TMEM117: variants seen among roughly 807,000 people sequenced by gnomAD.
TMEM117 encodes the protein transmembrane protein 117.
Under a neutral mutation model 52.4 loss-of-function variants are expected in TMEM117, and 27 were observed. The observed-to-expected ratio is 0.51, with a 90% confidence interval of 0.38 to 0.71. The LOEUF is 0.71. TMEM117 is among the 30% of genes least tolerant of loss of function. The pLI is 0.00. For missense variants in TMEM117, 556 were observed against 630.5 expected (o/e 0.88, Z 1.26); for synonymous variants, 215 against 206.3 (o/e 1.04, Z -0.36).
chr12:44,136,489 A>T (rs1948492307), intron 3 of TMEM117, among the ~76,000 whole-genome samples: 1 of 152,098 alleles, frequency 6.6e-6, no homozygotes, highest in Admixed American at 6.6e-5. Context: ...ATAGACCTTT[A>T]TATTTTGACT....
At position 44,143,535 on chromosome 12, in the gene TMEM117, A is replaced by T; in HGVS notation, c.421A>T (p.Ile141Phe). ...TGTTTGTTTCCACAGAGCATATATCATTACAGACTATATGGGCATCCGAAA... is the reference window on the plus strand; with the variant it reads ...TGTTTGTTTCCACAGAGCATATATCTTTACAGACTATATGGGCATCCGAAA... ...LMDGNMGAYI[I>F]TDYMGIRNES... Residue 141 changes from isoleucine to phenylalanine, a missense_variant, in exon 4 of 8, where the codon ATT becomes TTT. Physicochemically the swap from Ile to Phe is conservative, Grantham distance 21 (BLOSUM62 0). Coordinates refer to ENST00000266534, the MANE Select transcript of TMEM117 (RefSeq NM_032256.3). The T allele has an allele frequency of 6.2e-7, 1 of 1,612,336 alleles. No homozygotes were observed.
intron 6 of TMEM117, among the ~76,000 whole-genome samples, chr12:44,357,713 T>C (rs1951670180): frequency 6.6e-6 from 1 of 152,134 alleles, no homozygotes; most frequent in Admixed American, 6.6e-5. Context: ...GCTTATACAC[T>C]GTTGGTAGGA....
At chr12:44,296,617 C>T (rs1397130628) in intron 5 of TMEM117, among the ~76,000 whole-genome samples, 1 of 152,188 alleles carries the variant, frequency 6.6e-6, no homozygotes, top group Non-Finnish European at 1.5e-5. Flanking sequence ...TTAAAGGGCT[C>T]TTTCAGCATC....
the TMEM117 span, among the ~76,000 whole-genome samples, chr12:43,809,176 G>A: frequency 6.6e-6 from 1 of 152,198 alleles, no homozygotes; most frequent in Non-Finnish European, 1.5e-5. Context: ...TTTGTGTATA[G>A]TGCATATACA....
At chr12:44,188,108 A>G (rs1949302121) in intron 4 of TMEM117, among the ~76,000 whole-genome samples, 1 of 152,150 alleles carries the variant, frequency 6.6e-6, no homozygotes, top group Non-Finnish European at 1.5e-5. Flanking sequence ...CATAAACACA[A>G]GACTTAAAGA....
At chr12:43,857,208 C>T (rs1943415880) in intron 2 of TMEM117, among the ~76,000 whole-genome samples, 1 of 152,090 alleles carries the variant, frequency 6.6e-6, no homozygotes, top group Non-Finnish European at 1.5e-5. Flanking sequence ...TCCCCTAGGA[C>T]AGAGGATACA....
chr12:44,276,890 T>TTGTGTG (rs1393191637), intron 5 of TMEM117, among the ~76,000 whole-genome samples: 4 of 145,186 alleles, frequency 2.8e-5, no homozygotes, highest in South Asian at 2.1e-4. Context: ...CATGAAAAGT[T>TTGTGTG]TGTGTGTGTG....
At chr12:44,192,655 T>C (rs1403089437) in intron 4 of TMEM117, among the ~76,000 whole-genome samples, 1 of 152,146 alleles carries the variant, frequency 6.6e-6, no homozygotes, top group Non-Finnish European at 1.5e-5. Context: ...AATAATTAGT[T>C]TGAAAAAATA....
chr12:43,801,669 C>G, the TMEM117 span, among the ~76,000 whole-genome samples: 1 of 152,090 alleles, frequency 6.6e-6, no homozygotes, highest in African/African-American at 2.4e-5. Flanking sequence ...AGATTTATTA[C>G]AATTATTACT....
chr12:43,941,404 T>C (rs1382902954), intron 2 of TMEM117, among the ~76,000 whole-genome samples: 1 of 152,198 alleles, frequency 6.6e-6, no homozygotes, highest in Non-Finnish European at 1.5e-5. Flanking sequence ...GGGTTACTAT[T>C]AATAATTATG....
intron 4 of TMEM117, among the ~76,000 whole-genome samples, chr12:44,199,899 C>A (rs1056798613): frequency 6.6e-6 from 1 of 152,106 alleles, no homozygotes; most frequent in African/African-American, 2.4e-5. Context: ...AGGTGGATCA[C>A]CTGAGGTCAG....
At chr12:43,830,348 C>T in the TMEM117 span, among the ~76,000 whole-genome samples, 2 of 151,996 alleles carry the variant, frequency 1.3e-5, no homozygotes, top group African/African-American at 4.8e-5. Flanking sequence ...GTGGATCATG[C>T]CTGTAATCCC....
chr12:44,127,845 C>T lies in TMEM117; in HGVS notation c.411-15680C>T, dbSNP rs546671435. 1.5e-3 allele frequency among the ~76,000 whole-genome samples: 231 copies of T among 152,288 alleles called. 1 individual carries two copies. The highest frequency in any genetic ancestry group is 5.3e-3 in the African/African-American group (221 of 41,550). On this transcript the variant is annotated intron_variant, in intron 3 of 7. Transcript: ENST00000266534. ...TCCTAAGAAATTCCAGCCTGGTTGC[C>T]AGATCCACAGTTGCATAAGCCAGTT...
intron 3 of TMEM117, among the ~76,000 whole-genome samples, chr12:44,085,739 C>T (rs1947556199): frequency 6.6e-6 from 1 of 152,156 alleles, no homozygotes. Context: ...ATGTTTTCTT[C>T]CTGGAAGACA....
chr12:44,194,579 A>C (rs1397011319), intron 4 of TMEM117, among the ~76,000 whole-genome samples: 1 of 152,158 alleles, frequency 6.6e-6, no homozygotes, highest in African/African-American at 2.4e-5. Flanking sequence ...TAATCCCAGC[A>C]TTTTGGGAGG....
intron 2 of TMEM117, among the ~76,000 whole-genome samples, chr12:43,886,244 A>G (rs1414584872): frequency 6.6e-6 from 1 of 152,188 alleles, no homozygotes; most frequent in African/African-American, 2.4e-5. Context: ...TATAAGGGAC[A>G]TATAGAGGGC....
intron 5 of TMEM117, among the ~76,000 whole-genome samples, chr12:44,273,881 A>AC (rs1259577208): frequency 6.6e-6 from 1 of 152,138 alleles, no homozygotes; most frequent in Non-Finnish European, 1.5e-5. Context: ...ATGGGAAAAA[A>AC]CTGAAAGCCT....
the TMEM117 span, among the ~76,000 whole-genome samples, chr12:43,821,115 A>C: frequency 1.6e-5 from 2 of 125,508 alleles, no homozygotes; most frequent in Admixed American, 7.9e-5. Flanking sequence ...AAAAAAAAAG[A>C]AAAAAAAAGC....
intron 4 of TMEM117, among the ~76,000 whole-genome samples, chr12:44,179,539 G>A (rs1021586182): frequency 6.6e-6 from 1 of 152,238 alleles, no homozygotes; most frequent in African/African-American, 2.4e-5. Flanking sequence ...GGAAGAGTGA[G>A]AGTGGGAAGA....
Sources: gnomAD v4.1 joint callset for allele counts (sites outside exome capture counted in the v4.1 genomes callset) on GRCh38, gnomAD v4.1.1 for gene constraint, MANE v1.5 for transcripts, NCBI Gene and HGNC (gene_info 2026-07-23, HGNC 2026-07-21) for gene names.